The following ADAM20 variants were observed in gnomAD, a reference collection of about 807,000 sequenced individuals.
The protein encoded by ADAM20 is ADAM metallopeptidase domain 20, also known as disintegrin and metalloproteinase domain-containing protein 20.
For missense variants in ADAM20, 871 were observed against 883.2 expected, an observed-to-expected ratio of 0.99 and a Z score of 0.18; for synonymous variants, 305 against 310.2, an observed-to-expected ratio of 0.98 and a Z score of 0.18.
chr14:70,573,306 T>TA, the ADAM20 span, among the ~76,000 whole-genome samples: 1 of 152,192 alleles, frequency 6.6e-6, no homozygotes, highest in Admixed American at 6.5e-5. Context: ...TGGAGGCCAT[T>TA]ACCCTAAGAG....
the ADAM20 span, among the ~76,000 whole-genome samples, chr14:70,543,705 G>A: frequency 6.6e-5 from 10 of 152,126 alleles, no homozygotes; most frequent in African/African-American, 2.4e-4. Context: ...CAGGATCATG[G>A]CCATTTCACA....
chr14:70,531,629 G>A (rs1883713166), intron 1 of ADAM20, among the ~76,000 whole-genome samples: 1 of 152,128 alleles, frequency 6.6e-6, no homozygotes, highest in East Asian at 1.9e-4. Flanking sequence ...AAACAAACCT[G>A]TTATAGCTAA....
upstream of ADAM20, among the ~76,000 whole-genome samples, chr14:70,536,785 GGA>G (rs1461236716): frequency 6.6e-6 from 1 of 151,362 alleles, no homozygotes; most frequent in Non-Finnish European, 1.5e-5. Context: ...CCCTCCAGCT[GGA>G]GAGATGTCAG....
the ADAM20 span, among the ~76,000 whole-genome samples, chr14:70,549,177 C>A: frequency 9.6e-6 from 1 of 104,416 alleles, no homozygotes; most frequent in Non-Finnish European, 1.9e-5. Flanking sequence ...AAAGGAATAA[C>A]CGGTACCAGC....
the ADAM20 span, among the ~76,000 whole-genome samples, chr14:70,565,284 T>C: frequency 1.3e-5 from 2 of 151,590 alleles, no homozygotes; most frequent in African/African-American, 4.8e-5. Context: ...GAAATCATGG[T>C]ACTCCATCAA....
chr14:70,554,532 A>C, the ADAM20 span, among the ~76,000 whole-genome samples: 1 of 152,152 alleles, frequency 6.6e-6, no homozygotes, highest in Non-Finnish European at 1.5e-5. Context: ...ATAGACACAC[A>C]CACACACAGA....
At chr14:70,557,009 C>T in the ADAM20 span, 4 of 152,140 alleles carry the variant, frequency 2.6e-5, no homozygotes, top group African/African-American at 9.7e-5. Flanking sequence ...CCTCTCTGAG[C>T]TGCCATAAAA....
the ADAM20 span, among the ~76,000 whole-genome samples, chr14:70,569,815 A>G: frequency 6.7e-6 from 1 of 149,066 alleles, no homozygotes; most frequent in Non-Finnish European, 1.5e-5. Context: ...ATACACAGTG[A>G]AACAATAATA....
upstream of ADAM20, among the ~76,000 whole-genome samples, chr14:70,536,858 A>C (rs565578964): frequency 6.6e-6 from 1 of 150,786 alleles, no homozygotes; most frequent in Admixed American, 6.6e-5. Flanking sequence ...CTTCTCCCCC[A>C]CACAGAAACA....
chr14:70,528,099 T>C (rs936927165), intron 1 of ADAM20, among the ~76,000 whole-genome samples: 3 of 152,218 alleles, frequency 2.0e-5, no homozygotes, highest in Non-Finnish European at 4.4e-5. Context: ...AGTTAAACTA[T>C]AATTTGGTAG....
chr14:70,554,542 A>C, the ADAM20 span, among the ~76,000 whole-genome samples: 1 of 151,814 alleles, frequency 6.6e-6, no homozygotes, highest in Non-Finnish European at 1.5e-5. Context: ...ACACACACAG[A>C]CACACACACA....
chr14:70,535,951 C>G (rs577633054), upstream of ADAM20, among the ~76,000 whole-genome samples: 1 of 152,250 alleles, frequency 6.6e-6, no homozygotes, highest in East Asian at 1.9e-4. Context: ...TCAAAGTCTA[C>G]TTGTTGGTAT....
At chr14:70,565,932 G>GAA in the ADAM20 span, among the ~76,000 whole-genome samples, 3 of 139,534 alleles carry the variant, frequency 2.2e-5, no homozygotes, top group African/African-American at 2.6e-5. Context: ...AGTGCTGAAA[G>GAA]AAAAAAAAAA....
At position 70,523,215 on chromosome 14, in the gene ADAM20, A is replaced by T; in HGVS notation, c.1543T>A (p.Cys515Ser). Reference protein sequence around the residue: ...EKTCNNHDIQCKEIFGQDARS... With the variant: ...EKTCNNHDIQSKEIFGQDARS... ...GCATCTTGGCCAAAAATCTCTTTAC[A>T]TTGTATATCATGGTTATTACACGTC... The change falls in exon 2 of 2, where the codon TGT becomes AGT. Residue 515 changes from cysteine to serine, a missense_variant. Physicochemically the swap from Cys to Ser is moderately radical, Grantham distance 112 (BLOSUM62 -1). Transcript: ENST00000256389. The T allele has an allele frequency of 6.2e-7, 1 of 1,614,002 alleles. No individual in the cohort carries two copies. Among genetic ancestry groups the T allele is most frequent in the Non-Finnish European group, 8.5e-7 (1 of 1,179,944 alleles).
intron 1 of ADAM20, among the ~76,000 whole-genome samples, chr14:70,532,497 CAA>C (rs1883734440): frequency 1.3e-5 from 2 of 152,018 alleles, no homozygotes; most frequent in African/African-American, 2.4e-5. Context: ...TTCTTAACAG[CAA>C]AGGAGACAAT....
chr14:70,545,985 T>C, the ADAM20 span, among the ~76,000 whole-genome samples: 53 of 152,234 alleles, frequency 3.5e-4, 1 homozygote, highest in East Asian at 5.6e-3. Flanking sequence ...TTCAAAAAAC[T>C]GAAGTAACAT....
chr14:70,577,614 A>T, the ADAM20 span, among the ~76,000 whole-genome samples: 4 of 152,148 alleles, frequency 2.6e-5, no homozygotes, highest in African/African-American at 7.2e-5. Flanking sequence ...AACATAACAA[A>T]ATTGGAGTTC....
At chr14:70,555,491 T>C in the ADAM20 span, among the ~76,000 whole-genome samples, 1 of 152,230 alleles carries the variant, frequency 6.6e-6, no homozygotes, top group Admixed American at 6.5e-5. Context: ...AGGAATTTGG[T>C]GAAAATATAC....
rs148102371 is a variant in ADAM20 at position 70,522,676 on chromosome 14, C to T, written c.2082G>A (p.Leu694=). 2 of 1,613,970 alleles carry T rather than the reference C, an allele frequency of 1.2e-6. No homozygotes were observed. The highest frequency in any genetic ancestry group is 2.2e-5 in the South Asian group (2 of 91,086). Residue 694 remains leucine (L), a synonymous_variant, in exon 2 of 2, where the codon CTG becomes CTA. Transcript: ENST00000256389. ...GLNVMGKLRY[L]SLLCLLPLVA... ...CCAAAGGAAGAAGGCACAATAGTGA[C>T]AGGTAACGCAACTTTCCCATCACAT...
Sources: gnomAD v4.1 joint callset for allele counts (sites outside exome capture counted in the v4.1 genomes callset) on GRCh38, gnomAD v4.1.1 for gene constraint, MANE v1.5 for transcripts, NCBI Gene and HGNC (gene_info 2026-07-23, HGNC 2026-07-21) for gene names.